The following RNLS variants were observed in gnomAD, a reference collection of about 807,000 sequenced individuals.
RNLS encodes the protein renalase, FAD dependent amine oxidase.
A neutral mutation model predicts 39.8 loss-of-function variants in RNLS; 39 were observed. The observed-to-expected ratio is 0.98, with a 90% CI of 0.76 to 1.28. The LOEUF is 1.28. Ranked by LOEUF, RNLS falls within the 50% of genes most tolerant of loss-of-function variation. RNLS has a pLI of 0.00. For missense variants in RNLS, 410 were observed against 413.3 expected, an observed-to-expected ratio of 0.99 and a Z score of 0.07; for synonymous variants, 147 against 150.7, an observed-to-expected ratio of 0.98 and a Z score of 0.18.
chr10:88,290,361 T>G (rs1843582802), intron 6 of RNLS, among the ~76,000 whole-genome samples: 1 of 152,138 alleles, frequency 6.6e-6, no homozygotes, highest in Non-Finnish European at 1.5e-5. Flanking sequence ...TTCAAGTGGG[T>G]AGGCAAGAAT....
At chr10:88,455,483 T>A (rs1842577475) in intron 4 of RNLS, among the ~76,000 whole-genome samples, 1 of 152,162 alleles carries the variant, frequency 6.6e-6, no homozygotes, top group African/African-American at 2.4e-5. Context: ...TTCGGCTCAC[T>A]GCAAGCTCCA....
intron 5 of RNLS, chr10:88,343,620 A>AT (rs1468570604): frequency 2.0e-6 from 2 of 985,108 alleles, no homozygotes; most frequent in Admixed American, 6.2e-5. Context: ...TTTTCCTTGT[A>AT]TTCGTTCCTT....
At chr10:88,544,794 G>T (rs1848215353) in intron 4 of RNLS, among the ~76,000 whole-genome samples, 1 of 152,164 alleles carries the variant, frequency 6.6e-6, no homozygotes, top group South Asian at 2.1e-4. Flanking sequence ...CTGAATTTCA[G>T]TCTTCTTTCA....
the RNLS span, among the ~76,000 whole-genome samples, chr10:88,219,419 C>T: frequency 6.6e-6 from 1 of 152,246 alleles, no homozygotes; most frequent in Non-Finnish European, 1.5e-5. Context: ...TAGAAACCTA[C>T]AGTGATTTCC....
chr10:88,337,634 A>G (rs1847602097), intron 5 of RNLS, among the ~76,000 whole-genome samples: 1 of 152,244 alleles, frequency 6.6e-6, no homozygotes, highest in Non-Finnish European at 1.5e-5. Flanking sequence ...AATGAATCCA[A>G]TGCAGCAGAA....
intron 5 of RNLS, among the ~76,000 whole-genome samples, chr10:88,335,298 A>G (rs1847403797): frequency 6.6e-6 from 1 of 151,366 alleles, no homozygotes; most frequent in Admixed American, 6.6e-5. Context: ...GCTCACTGCA[A>G]CCTCCACCTC....
chr10:88,514,626 G>C (rs1404396942), intron 4 of RNLS, among the ~76,000 whole-genome samples: 2 of 151,968 alleles, frequency 1.3e-5, no homozygotes, highest in African/African-American at 2.4e-5. Flanking sequence ...TCTTGCGTTT[G>C]ACTCTTTTAG....
the RNLS span, among the ~76,000 whole-genome samples, chr10:88,259,614 C>T: frequency 3.7e-4 from 56 of 152,238 alleles, no homozygotes; most frequent in Admixed American, 6.5e-4. Context: ...CAACTGGCTG[C>T]GTTCTAAAGT....
chr10:88,519,410 C>A lies in RNLS; in HGVS notation c.526+53493G>T, dbSNP rs1846586603. Among the ~76,000 whole-genome samples, 4 of 151,230 alleles carry A rather than the reference C, an allele frequency of 2.6e-5. No individual in the cohort carries two copies. The South Asian group carries it at 8.3e-4, about 32-fold the overall frequency. On this transcript the variant is annotated intron_variant, in intron 4 of 6. Transcript: ENST00000331772. ...CATTCCCTTAATCTTATAAAAACAA[C>A]ATATATATATTTATATAATTTCTAA...
At chr10:88,257,174 G>A in the RNLS span, among the ~76,000 whole-genome samples, 1 of 152,134 alleles carries the variant, frequency 6.6e-6, no homozygotes, top group African/African-American at 2.4e-5. Context: ...CTCAACGGAG[G>A]TTTTGACATA....
the RNLS span, among the ~76,000 whole-genome samples, chr10:88,186,467 A>G: frequency 6.6e-6 from 1 of 152,052 alleles, no homozygotes. Flanking sequence ...ATCTCTGTTC[A>G]TCTCTCGCCT....
chr10:88,475,503 G>T (rs888127307), intron 4 of RNLS, among the ~76,000 whole-genome samples: 1 of 152,096 alleles, frequency 6.6e-6, no homozygotes, highest in Non-Finnish European at 1.5e-5. Flanking sequence ...ACCCTCAGTT[G>T]TCCTTTCTTT....
chr10:88,565,187 T>C (rs1177994777), intron 4 of RNLS, among the ~76,000 whole-genome samples: 1 of 152,196 alleles, frequency 6.6e-6, no homozygotes. Context: ...GTGAATATTA[T>C]AGTTATAGTG....
At chr10:88,564,523 T>C (rs1258320367) in intron 4 of RNLS, among the ~76,000 whole-genome samples, 3 of 151,688 alleles carry the variant, frequency 2.0e-5, no homozygotes, top group African/African-American at 4.8e-5. Context: ...GGGTCAGGGG[T>C]TTGAGGAATT....
chr10:88,358,728 G>C (rs1032891297), intron 5 of RNLS, among the ~76,000 whole-genome samples: 5 of 152,240 alleles, frequency 3.3e-5, no homozygotes, highest in African/African-American at 1.2e-4. Context: ...AGGAAATTTT[G>C]GTTCTGGCTG....
At chr10:88,277,202 C>T (rs993947532) in intron 6 of RNLS, among the ~76,000 whole-genome samples, 5 of 152,148 alleles carry the variant, frequency 3.3e-5, no homozygotes, top group Non-Finnish European at 7.3e-5. Context: ...TGGAAACCAT[C>T]ATTCTCAGAA....
At chr10:88,508,769 T>C (rs963364342) in intron 4 of RNLS, among the ~76,000 whole-genome samples, 2 of 152,006 alleles carry the variant, frequency 1.3e-5, no homozygotes, top group Non-Finnish European at 2.9e-5. Context: ...AATGTCCCTT[T>C]GAGACACTGT....
In RNLS at chr10:88,358,505, AAAGAT is replaced by A. The variant is rs556743375; in HGVS notation, c.700+4042_700+4046del. Among the ~76,000 whole-genome samples the A allele has an allele frequency of 5.0e-3, 756 of 152,372 alleles. 3 individuals are homozygous for A. Among genetic ancestry groups the A allele is most frequent in the Non-Finnish European group, 8.6e-3 (587 of 68,032 alleles). ...TCTTTTCTGTAGGAATATCCTTTAA[AAAGAT>A]AATATGTCCTGATATTCTCCAAAAT... On this transcript the variant is annotated intron_variant, in intron 5 of 6. Transcript: ENST00000331772.
chr10:88,457,729 G>A (rs909060271), intron 4 of RNLS, among the ~76,000 whole-genome samples: 19 of 152,184 alleles, frequency 1.2e-4, no homozygotes, highest in African/African-American at 4.3e-4. Flanking sequence ...AAAAGGCTTT[G>A]TGAAATCCCT....
Sources: gnomAD v4.1 joint callset for allele counts (sites outside exome capture counted in the v4.1 genomes callset) on GRCh38, gnomAD v4.1.1 for gene constraint, MANE v1.5 for transcripts, NCBI Gene and HGNC (gene_info 2026-07-23, HGNC 2026-07-21) for gene names.